AGBL4: variants seen among roughly 807,000 people sequenced by gnomAD.
AGBL4 encodes cytosolic carboxypeptidase 6.
A neutral mutation model predicts 66.4 loss-of-function variants in AGBL4; 58 were observed. The observed-to-expected ratio is 0.87, with a 90% confidence interval of 0.71 to 1.09. AGBL4 has a LOEUF of 1.09. Ranked by LOEUF, AGBL4 falls within the 50% of genes least tolerant of loss-of-function variation. The probability of loss-of-function intolerance (pLI) is 0.00; values close to 1 mark genes in which losing one functional copy is unlikely to be tolerated. For synonymous variants in AGBL4, 234 were observed against 222.9 expected (o/e 1.05, Z -0.44); for missense variants, 579 against 631.0 (o/e 0.92, Z 0.88).
chr1:49,857,112 A>G (rs891868670), intron 1 of AGBL4, among the ~76,000 whole-genome samples: 5 of 152,102 alleles, frequency 3.3e-5, no homozygotes, highest in African/African-American at 1.2e-4. Flanking sequence ...AAAATCAAGA[A>G]GTCAATCCCA....
intron 3 of AGBL4, among the ~76,000 whole-genome samples, chr1:49,432,621 C>G (rs1362513578): frequency 6.6e-6 from 1 of 151,862 alleles, no homozygotes; most frequent in Non-Finnish European, 1.5e-5. Flanking sequence ...ATCTATTTTA[C>G]ATGGTTTTAC....
intron 4 of AGBL4, among the ~76,000 whole-genome samples, chr1:49,050,621 T>C (rs558760039): frequency 6.6e-6 from 1 of 152,226 alleles, no homozygotes; most frequent in South Asian, 2.1e-4. Context: ...TGCTATTCCT[T>C]GCCTTTTTAA....
At chr1:48,772,721 T>C (rs191631129) in intron 6 of AGBL4, among the ~76,000 whole-genome samples, 1 of 152,038 alleles carries the variant, frequency 6.6e-6, no homozygotes, top group African/African-American at 2.4e-5. Context: ...ATTGGGAAAA[T>C]AGATCAGAGA....
intron 3 of AGBL4, among the ~76,000 whole-genome samples, chr1:49,586,295 A>G (rs1473704096): frequency 6.6e-6 from 1 of 152,234 alleles, no homozygotes; most frequent in Non-Finnish European, 1.5e-5. Context: ...GCTGGATTCA[A>G]AGCATCAGAG....
intron 3 of AGBL4, among the ~76,000 whole-genome samples, chr1:49,254,524 C>T (rs375882583): frequency 6.6e-6 from 1 of 152,026 alleles, no homozygotes; most frequent in Admixed American, 6.6e-5. Context: ...ATGACATGAA[C>T]AAATTGAAAA....
At chr1:49,038,380 G>T (rs1664832300) in intron 5 of AGBL4, among the ~76,000 whole-genome samples, 1 of 152,054 alleles carries the variant, frequency 6.6e-6, no homozygotes, top group South Asian at 2.1e-4. Flanking sequence ...CTGGCTTAGG[G>T]TGGCTGAACA....
In AGBL4 at chr1:49,918,695, C is replaced by T. The variant is rs559772882; in HGVS notation, c.35-67177G>A. 1.9e-3 allele frequency among the ~76,000 whole-genome samples: 289 copies of T among 152,174 alleles called. 2 individuals are homozygous for T. Among genetic ancestry groups the T allele is most frequent in the African/African-American group, 6.6e-3 (273 of 41,526 alleles). ...GGTACCATTCCTTCTGAAACTATTC[C>T]AAACAATAGAAAAAGAGGGAATACT... On this transcript the variant is annotated intron_variant, in intron 1 of 13. Coordinates refer to ENST00000371839, the MANE Select transcript of AGBL4 (RefSeq NM_032785.4).
At chr1:48,996,991 C>A (rs1256795847) in intron 5 of AGBL4, among the ~76,000 whole-genome samples, 1 of 152,112 alleles carries the variant, frequency 6.6e-6, no homozygotes, top group African/African-American at 2.4e-5. Context: ...GGTGCAATCT[C>A]AGCCCACTAC....
At position 48,976,235 on chromosome 1, in the gene AGBL4, T is replaced by C. The variant is rs556750346; in HGVS notation, c.594+69349A>G. Among the ~76,000 whole-genome samples, 84 of 152,256 alleles carry C rather than the reference T, an allele frequency of 5.5e-4. No individual in the cohort carries two copies. In the South Asian group the frequency reaches 6.8e-3, roughly 12 times the overall value. On this transcript the variant is annotated intron_variant, in intron 5 of 13. Transcript: ENST00000371839. ...CATGTAGATAAAATAATGTATTCCT[T>C]GGATGTCAGTTAGTCTCCTTATCCA...
intron 5 of AGBL4, among the ~76,000 whole-genome samples, chr1:48,917,466 A>G (rs549635428): frequency 6.6e-6 from 1 of 152,318 alleles, no homozygotes; most frequent in African/African-American, 2.4e-5. Context: ...CTATGAATAC[A>G]TCATTTACCT....
At chr1:49,484,542 G>A (rs987102531) in intron 3 of AGBL4, among the ~76,000 whole-genome samples, 1 of 151,952 alleles carries the variant, frequency 6.6e-6, no homozygotes, top group African/African-American at 2.4e-5. Context: ...TGTGGGATCT[G>A]AAAATTTAAA....
chr1:48,905,708 A>G (rs983190715), intron 5 of AGBL4, among the ~76,000 whole-genome samples: 3 of 152,212 alleles, frequency 2.0e-5, no homozygotes, highest in African/African-American at 7.2e-5. Context: ...TGTAAAGTTC[A>G]GGCCCACCTA....
intron 3 of AGBL4, among the ~76,000 whole-genome samples, chr1:49,310,399 T>C (rs2148459487): frequency 6.6e-6 from 1 of 152,196 alleles, no homozygotes; most frequent in South Asian, 2.1e-4. Context: ...GTTCCGGTAA[T>C]CCAGTGATGG....
At position 49,845,807 on chromosome 1, in the gene AGBL4, G is replaced by A. The variant is rs188007154; in HGVS notation, c.157+5589C>T. On this transcript the variant is annotated intron_variant, in intron 2 of 13. Coordinates refer to ENST00000371839, the MANE Select transcript of AGBL4 (RefSeq NM_032785.4). ...GGCTCCTCACTTAGCCAGCAGGAGC[G>A]GATGCACACAGGAGAGAAGCCGTTC... is the stretch of plus-strand genomic sequence containing the variant. 1.9e-3 allele frequency: 2,907 copies of A among 1,542,356 alleles called. 7 individuals are homozygous for A. The highest frequency in any genetic ancestry group is 2.5e-3 in the Admixed American group (150 of 59,070).
chr1:49,460,104 A>G (rs1372829801), intron 3 of AGBL4, among the ~76,000 whole-genome samples: 7 of 151,568 alleles, frequency 4.6e-5, no homozygotes, highest in Non-Finnish European at 1.0e-4. Flanking sequence ...GTTAGGTAGA[A>G]TGTTCTGTAA....
chr1:49,283,375 C>A (rs1207299210), intron 3 of AGBL4, among the ~76,000 whole-genome samples: 1 of 152,220 alleles, frequency 6.6e-6, no homozygotes, highest in Non-Finnish European at 1.5e-5. Context: ...ATCTGTACAT[C>A]ACCATCATCA....
chr1:49,751,462 G>A (rs1432382808), intron 2 of AGBL4, among the ~76,000 whole-genome samples: 1 of 152,172 alleles, frequency 6.6e-6, no homozygotes, highest in African/African-American at 2.4e-5. Context: ...GCTTTTTAAT[G>A]TGCTGCTGGA....
At chr1:49,613,768 C>T (rs1372065033) in intron 3 of AGBL4, among the ~76,000 whole-genome samples, 4 of 152,044 alleles carry the variant, frequency 2.6e-5, no homozygotes, top group Non-Finnish European at 5.9e-5. Flanking sequence ...TTATGTATTA[C>T]AACATAATAA....
chr1:48,644,869 T>G (rs2148429425), intron 8 of AGBL4, among the ~76,000 whole-genome samples: 1 of 152,356 alleles, frequency 6.6e-6, no homozygotes, highest in Middle Eastern at 3.4e-3. Context: ...GTTTAGGAAC[T>G]AGGACCAGAA....
Sources: gnomAD v4.1 joint callset for allele counts (sites outside exome capture counted in the v4.1 genomes callset) on GRCh38, gnomAD v4.1.1 for gene constraint, MANE v1.5 for transcripts, NCBI Gene and HGNC (gene_info 2026-07-23, HGNC 2026-07-21) for gene names.